The following CACNA1C variants were observed in gnomAD, a reference collection of about 807,000 sequenced individuals.
CACNA1C encodes calcium voltage-gated channel subunit alpha1 C.
A neutral mutation model predicts 229.0 loss-of-function variants in CACNA1C; 30 were observed. The observed-to-expected ratio is 0.13, with a 90% CI of 0.10 to 0.18. The LOEUF is 0.18. CACNA1C is among the 10% of genes least tolerant of loss of function. The pLI is 1.00. For synonymous variants in CACNA1C, 1,114 were observed against 1,132.5 expected (o/e 0.98, Z 0.33); for missense variants, 1,658 against 2,845.0 (o/e 0.58, Z 9.49).
At chr12:2,464,620 C>G (rs943698633) in intron 5 of CACNA1C, among the ~76,000 whole-genome samples, 2 of 152,172 alleles carry the variant, frequency 1.3e-5, no homozygotes, top group Non-Finnish European at 2.9e-5. Context: ...GCTTTAAGGA[C>G]TTTTCGTGGG....
intron 18 of CACNA1C, among the ~76,000 whole-genome samples, chr12:2,587,604 T>A (rs215978): frequency 0.23 from 35,221 of 151,018 alleles, 4,572 homozygotes; most frequent in African/African-American, 0.36. Flanking sequence ...ATGTTAATTT[T>A]AAAAAAAAAG....
chr12:2,303,963 G>A (rs551604004), intron 3 of CACNA1C, among the ~76,000 whole-genome samples: 7 of 152,386 alleles, frequency 4.6e-5, no homozygotes, highest in South Asian at 4.1e-4. Flanking sequence ...CTGGCTTGGC[G>A]TCTGGTGTGG....
At chr12:2,166,328 G>A (rs1021108047) in intron 3 of CACNA1C, among the ~76,000 whole-genome samples, 5 of 152,228 alleles carry the variant, frequency 3.3e-5, no homozygotes, top group Non-Finnish European at 7.3e-5. Flanking sequence ...TGGAAGGGAA[G>A]AGAAACATAA....
At chr12:2,092,650 C>A (rs1565629117) in intron 1 of CACNA1C, among the ~76,000 whole-genome samples, 2 of 152,284 alleles carry the variant, frequency 1.3e-5, no homozygotes, top group East Asian at 3.9e-4. Flanking sequence ...TTGTGTCATT[C>A]TTCATCACTT....
At chr12:2,490,787 C>T (rs929923536) in intron 6 of CACNA1C, among the ~76,000 whole-genome samples, 3 of 152,266 alleles carry the variant, frequency 2.0e-5, no homozygotes, top group South Asian at 4.2e-4. Context: ...GTTTCAGCTG[C>T]GTTAATGGAG....
chr12:1,986,024 A>G (rs1020341556), intron 1 of CACNA1C, among the ~76,000 whole-genome samples: 2 of 152,184 alleles, frequency 1.3e-5, no homozygotes, highest in African/African-American at 2.4e-5. Flanking sequence ...CGTGTTAGCC[A>G]GGATGGTCTC....
At chr12:2,549,155 T>A (rs1364709448) in intron 9 of CACNA1C, among the ~76,000 whole-genome samples, 3 of 152,170 alleles carry the variant, frequency 2.0e-5, no homozygotes, top group African/African-American at 7.2e-5. Context: ...CACAGCTGCC[T>A]TGGGAGGAGG....
chr12:2,290,949 A>G (rs2093431470), intron 3 of CACNA1C, among the ~76,000 whole-genome samples: 1 of 152,196 alleles, frequency 6.6e-6, no homozygotes, highest in African/African-American at 2.4e-5. Context: ...CTGAATCAGC[A>G]GCTTCAAAGT....
intron 1 of CACNA1C, among the ~76,000 whole-genome samples, chr12:2,022,629 A>G (rs531034540): frequency 6.6e-6 from 1 of 151,200 alleles, no homozygotes; most frequent in Non-Finnish European, 1.5e-5. Context: ...TTTTTTGTAG[A>G]GAAGGGGGTC....
At chr12:2,070,787 C>T (rs1224885746) in intron 1 of CACNA1C, among the ~76,000 whole-genome samples, 1 of 152,164 alleles carries the variant, frequency 6.6e-6, no homozygotes, top group Non-Finnish European at 1.5e-5. Flanking sequence ...GTATCACTCA[C>T]CAGTTCTTAG....
chr12:2,363,305 G>A (rs924246559), intron 3 of CACNA1C, among the ~76,000 whole-genome samples: 1 of 152,246 alleles, frequency 6.6e-6, no homozygotes, highest in Middle Eastern at 3.4e-3. Flanking sequence ...AATATACTGA[G>A]GAGGATCTTG....
intron 3 of CACNA1C, among the ~76,000 whole-genome samples, chr12:2,368,235 C>A (rs1034197727): frequency 2.0e-5 from 3 of 152,158 alleles, no homozygotes; most frequent in African/African-American, 7.2e-5. Context: ...GAAGCATTTC[C>A]TTTAAAATCA....
At chr12:2,004,038 C>T (rs2042800264) in intron 1 of CACNA1C, among the ~76,000 whole-genome samples, 1 of 152,156 alleles carries the variant, frequency 6.6e-6, no homozygotes, top group Non-Finnish European at 1.5e-5. Context: ...GGTCTGGTCT[C>T]CCAGCGTTGG....
intron 3 of CACNA1C, among the ~76,000 whole-genome samples, chr12:2,304,743 A>G (rs1269225889): frequency 6.6e-6 from 1 of 152,150 alleles, no homozygotes; most frequent in Non-Finnish European, 1.5e-5. Context: ...CCTTCCTGCT[A>G]GGACAGCCAG....
At chr12:2,221,693 A>G (rs1239651320) in intron 3 of CACNA1C, 2 of 152,260 alleles carry the variant, frequency 1.3e-5, no homozygotes, top group South Asian at 2.1e-4. Flanking sequence ...ATAGGATTTT[A>G]TCCTACAGAA....
intron 3 of CACNA1C, among the ~76,000 whole-genome samples, chr12:2,432,024 T>C (rs1034505310): frequency 6.6e-6 from 1 of 152,146 alleles, no homozygotes; most frequent in Non-Finnish European, 1.5e-5. Flanking sequence ...TAAGGGCAGG[T>C]CCCCAGCTTT....
rs2089646174 is a variant in CACNA1C at position 2,630,121 on chromosome 12, C to T, written c.3829-4176C>T. ...GCTGGACAGTAGAGGTTTGGTTTGC[C>T]ACTTCAAGGAGAGCCAGGAAAACCC... On this transcript the variant is annotated intron_variant, in intron 29 of 46. Coordinates refer to ENST00000399655, the MANE Select transcript of CACNA1C (RefSeq NM_000719.7). This position sits in a 1 kb window ranked among gnomAD's most constrained non-coding sequence, Gnocchi z 5.4. Among the ~76,000 whole-genome samples, 2 of 152,210 alleles carry T rather than the reference C, an allele frequency of 1.3e-5. No homozygotes were observed. Among genetic ancestry groups the T allele is most frequent in the South Asian group, 4.1e-4 (2 of 4,830 alleles).
At position 2,053,366 on chromosome 12, in the gene CACNA1C, GT is replaced by G; in HGVS notation, c.-192del. ...GAGGAGGCAGTAGTGGAAAGGAGCAGTTTTTGGGGTTTGATGCCATAATGGG... is the reference window on the plus strand; with the variant it reads ...GAGGAGGCAGTAGTGGAAAGGAGCAGTTTTGGGGTTTGATGCCATAATGGG... On this transcript the variant is annotated 5_prime_UTR_variant, in exon 1 of 47. An upstream open reading frame in the 5' UTR gains an earlier in-frame stop. Coordinates refer to ENST00000399655, the MANE Select transcript of CACNA1C (RefSeq NM_000719.7). This position sits in a 1 kb window ranked among gnomAD's most constrained non-coding sequence, Gnocchi z 5.8. The G allele has an allele frequency of 2.9e-6, 4 of 1,368,732 alleles. No individual in the cohort carries two copies. The highest frequency in any genetic ancestry group is 3.0e-5 in the Admixed American group (1 of 33,668). 84.8% of individuals were successfully genotyped at this position (1,368,732 alleles called of 1,614,324 possible). A position where few individuals can be genotyped will look rare whatever the true frequency, so the allele number is the denominator to read the frequency against.
At chr12:2,253,228 A>G (rs1181119580) in intron 3 of CACNA1C, among the ~76,000 whole-genome samples, 1 of 152,210 alleles carries the variant, frequency 6.6e-6, no homozygotes, top group African/African-American at 2.4e-5. Flanking sequence ...CTGGCAGGGT[A>G]AGTACATTTA....
Sources: allele counts gnomAD v4.1 joint callset (sites outside exome capture counted in the v4.1 genomes callset), GRCh38; gene constraint gnomAD v4.1.1; non-coding constraint Gnocchi (gnomAD v3.1); transcripts MANE v1.5; gene names NCBI Gene and HGNC (gene_info 2026-07-23, HGNC 2026-07-21).